Variants in GARIN2 observed in about 807,000 individuals in gnomAD.
GARIN2 encodes the protein golgi associated RAB2 interactor family member 2, also known as Golgi-associated RAB2 interactor protein 2.
the GARIN2 span, among the ~76,000 whole-genome samples, chr14:67,222,913 C>T: frequency 6.6e-6 from 1 of 150,624 alleles, no homozygotes; most frequent in Non-Finnish European, 1.5e-5. Context: ...GTCACACGTA[C>T]AAGAGTCAGT....
the GARIN2 span, chr14:67,203,173 C>A: frequency 6.2e-7 from 1 of 1,613,884 alleles, no homozygotes; most frequent in Admixed American, 1.7e-5. Flanking sequence ...TCCAGCTCCA[C>A]CCACAAGATC....
the GARIN2 span, chr14:67,222,127 G>A: frequency 3.6e-6 from 1 of 274,846 alleles, no homozygotes; most frequent in Non-Finnish European, 6.8e-6. Context: ...AGTTCTGCAG[G>A]CAGAATGCAA....
the GARIN2 span, among the ~76,000 whole-genome samples, chr14:67,200,946 A>C: frequency 6.6e-6 from 1 of 152,210 alleles, no homozygotes; most frequent in East Asian, 1.9e-4. Context: ...CCTGGTTAGC[A>C]TGTCTTTGGC....
chr14:67,208,591 C>A, the GARIN2 span: 1 of 939,058 alleles, frequency 1.1e-6, no homozygotes. Context: ...ATGATATAGT[C>A]AACTCTGAAT....
At chr14:67,225,299 C>A in the GARIN2 span, 1 of 1,385,018 alleles carries the variant, frequency 7.2e-7, no homozygotes, top group African/African-American at 1.5e-5. Flanking sequence ...TATAGGAATA[C>A]ATGATAGCTA....
the GARIN2 span, chr14:67,201,468 T>A: frequency 2.2e-6 from 1 of 456,040 alleles, no homozygotes; most frequent in South Asian, 1.5e-5. Flanking sequence ...AACAGGACAA[T>A]GATAGCTGCC....
chr14:67,192,161 T>A, the GARIN2 span, among the ~76,000 whole-genome samples: 1 of 152,182 alleles, frequency 6.6e-6, no homozygotes, highest in East Asian at 1.9e-4. Context: ...CTTAATTAGA[T>A]GAATAGGACA....
At chr14:67,226,147 C>A in the GARIN2 span, among the ~76,000 whole-genome samples, 1 of 152,092 alleles carries the variant, frequency 6.6e-6, no homozygotes, top group Admixed American at 6.6e-5. Flanking sequence ...GCCACCAAAG[C>A]CAGCTTAGCA....
At chr14:67,199,795 C>T in the GARIN2 span, 1 of 1,520,246 alleles carries the variant, frequency 6.6e-7, no homozygotes, top group Non-Finnish European at 8.9e-7. Flanking sequence ...CCTTCCCACC[C>T]CCAGTGCTGC....
the GARIN2 span, chr14:67,225,066 C>G: frequency 7.4e-5 from 109 of 1,478,012 alleles, no homozygotes; most frequent in Non-Finnish European, 9.7e-5. Context: ...CTCACTTCCT[C>G]TCTATTGATC....
chr14:67,208,478 AT>A, the GARIN2 span: 1 of 1,592,484 alleles, frequency 6.3e-7, no homozygotes, highest in South Asian at 1.2e-5. Flanking sequence ...TGCCAAAGGA[AT>A]TCTAAGACAT....
chr14:67,208,937 A>C, the GARIN2 span, among the ~76,000 whole-genome samples: 1 of 152,004 alleles, frequency 6.6e-6, no homozygotes, highest in African/African-American at 2.4e-5. Flanking sequence ...AAGCACGGAA[A>C]AAGCAAAATT....
chr14:67,206,844 C>T, the GARIN2 span, among the ~76,000 whole-genome samples: 1 of 151,992 alleles, frequency 6.6e-6, no homozygotes, highest in Non-Finnish European at 1.5e-5. Context: ...GATTCTTATG[C>T]CTCAGCTTTC....
the GARIN2 span, among the ~76,000 whole-genome samples, chr14:67,197,626 G>A: frequency 2.6e-5 from 4 of 152,100 alleles, no homozygotes; most frequent in African/African-American, 9.7e-5. Flanking sequence ...CAAGAGCTAA[G>A]CCTCAGTTAT....
At chr14:67,221,619 T>C in the GARIN2 span, 1 of 575,430 alleles carries the variant, frequency 1.7e-6, no homozygotes, top group Non-Finnish European at 2.2e-6. Context: ...TTTATTCTCA[T>C]ATGTTCTATA....
At chr14:67,223,657 A>G in the GARIN2 span, 1 of 890,620 alleles carries the variant, frequency 1.1e-6, no homozygotes. Flanking sequence ...CGTTTTCCAC[A>G]AAGTATTAAT....
chr14:67,209,689 G>A, the GARIN2 span, among the ~76,000 whole-genome samples: 2 of 151,388 alleles, frequency 1.3e-5, no homozygotes, highest in South Asian at 4.2e-4. Context: ...GTGGTGGCAG[G>A]CGCCTGTAAT....
chr14:67,205,390 T>A, the GARIN2 span, among the ~76,000 whole-genome samples: 1 of 152,112 alleles, frequency 6.6e-6, no homozygotes, highest in Non-Finnish European at 1.5e-5. Context: ...CTCATATTAC[T>A]TGTGTGACTT....
the GARIN2 span, among the ~76,000 whole-genome samples, chr14:67,202,187 T>A: frequency 1.3e-5 from 2 of 152,218 alleles, no homozygotes; most frequent in African/African-American, 4.8e-5. Context: ...ACGCCTGTAA[T>A]CCCAGCACTT....
Sources: gnomAD v4.1 joint callset for allele counts (sites outside exome capture counted in the v4.1 genomes callset) on GRCh38, gnomAD v4.1.1 for gene constraint, MANE v1.5 for transcripts, NCBI Gene and HGNC (gene_info 2026-07-23, HGNC 2026-07-21) for gene names.